VEPH1: variants seen among roughly 807,000 people sequenced by gnomAD.
VEPH1 encodes ventricular zone expressed PH domain containing 1.
A neutral mutation model predicts 85.2 loss-of-function variants in VEPH1; 80 were observed. That is an observed-to-expected ratio of 0.94 (90% CI 0.78 to 1.13). The LOEUF is 1.13. VEPH1 is among the 50% of genes most tolerant of loss of function. The pLI is 0.00. For synonymous variants in VEPH1, 297 were observed against 348.0 expected (o/e 0.85, Z 1.63); for missense variants, 955 against 980.5 (o/e 0.97, Z 0.35).
At chr3:157,307,414 T>TG (rs1486844369) in intron 11 of VEPH1, among the ~76,000 whole-genome samples, 3 of 151,962 alleles carry the variant, frequency 2.0e-5, no homozygotes, top group African/African-American at 7.2e-5. Context: ...TTAATTTATG[T>TG]GGAGTTAATT....
chr3:157,340,773 C>G (rs191167728), intron 9 of VEPH1, among the ~76,000 whole-genome samples: 310 of 152,318 alleles, frequency 2.0e-3, no homozygotes, highest in African/African-American at 6.8e-3. Flanking sequence ...AAGGCACCCC[C>G]CAGTAGGGGC....
intron 4 of VEPH1, among the ~76,000 whole-genome samples, chr3:157,452,873 G>C (rs1356386671): frequency 6.6e-6 from 1 of 152,072 alleles, no homozygotes; most frequent in Non-Finnish European, 1.5e-5. Flanking sequence ...TTCACCTATT[G>C]TTGGCAACAG....
intron 12 of VEPH1, among the ~76,000 whole-genome samples, chr3:157,282,965 G>A (rs1000991280): frequency 1.3e-5 from 2 of 152,172 alleles, no homozygotes; most frequent in African/African-American, 2.4e-5. Flanking sequence ...TTTATAAAAT[G>A]ATTATCAGAA....
At chr3:157,436,318 C>G (rs1442920762) in intron 4 of VEPH1, among the ~76,000 whole-genome samples, 3 of 152,052 alleles carry the variant, frequency 2.0e-5, no homozygotes, top group Non-Finnish European at 4.4e-5. Context: ...TGCAACTCCT[C>G]AAGTATTAAA....
intron 2 of VEPH1, among the ~76,000 whole-genome samples, chr3:157,494,056 G>T (rs7619414): frequency 9.2e-5 from 14 of 152,272 alleles, no homozygotes; most frequent in Non-Finnish European, 1.5e-4. Flanking sequence ...TTCTGGAAAA[G>T]ATGTGGATGA....
At chr3:157,282,867 A>G (rs1162672865) in intron 12 of VEPH1, among the ~76,000 whole-genome samples, 2 of 152,246 alleles carry the variant, frequency 1.3e-5, no homozygotes, top group Admixed American at 1.3e-4. Flanking sequence ...TTCATGTGGA[A>G]TAACAAGATC....
chr3:157,396,730 T>G (rs1002034915), intron 6 of VEPH1, among the ~76,000 whole-genome samples: 1 of 152,244 alleles, frequency 6.6e-6, no homozygotes, highest in Non-Finnish European at 1.5e-5. Flanking sequence ...GTTGATCACA[T>G]GTATGTCTTC....
At chr3:157,328,256 T>G (rs963521532) in intron 9 of VEPH1, among the ~76,000 whole-genome samples, 6 of 152,178 alleles carry the variant, frequency 3.9e-5, no homozygotes, top group African/African-American at 1.4e-4. Flanking sequence ...GACAGACATG[T>G]GCTTGGCACA....
chr3:157,321,939 T>A (rs558515824), intron 9 of VEPH1, among the ~76,000 whole-genome samples: 1 of 152,318 alleles, frequency 6.6e-6, no homozygotes, highest in South Asian at 2.1e-4. Flanking sequence ...TTACGTTTTA[T>A]ATAATTTACC....
At chr3:157,294,191 C>T (rs1052105573) in intron 11 of VEPH1, among the ~76,000 whole-genome samples, 4 of 152,118 alleles carry the variant, frequency 2.6e-5, no homozygotes, top group African/African-American at 9.7e-5. Flanking sequence ...ATGCTCCTAA[C>T]CATGTAGGTT....
chr3:157,271,040 A>G (rs893662413), intron 12 of VEPH1, among the ~76,000 whole-genome samples: 1 of 152,158 alleles, frequency 6.6e-6, no homozygotes, highest in African/African-American at 2.4e-5. Context: ...GGGAAAACAC[A>G]CAAAAGAACC....
chr3:157,407,299 A>G (rs1004456569), intron 6 of VEPH1, among the ~76,000 whole-genome samples: 2 of 152,168 alleles, frequency 1.3e-5, no homozygotes, highest in African/African-American at 4.8e-5. Flanking sequence ...AGCTGTTTAT[A>G]TAGCTGGGGA....
At chr3:157,265,781 A>T in intron 12 of VEPH1, 119 bp from the exon 13 acceptor site, 1 of 1,033,294 alleles carries the variant, frequency 9.7e-7, no homozygotes, top group Non-Finnish European at 1.4e-6. Flanking sequence ...AAAGTAGGCT[A>T]ATAAATGATG....
chr3:157,494,017 T>G (rs1272910445), intron 2 of VEPH1, among the ~76,000 whole-genome samples: 1 of 152,204 alleles, frequency 6.6e-6, no homozygotes. Flanking sequence ...GAACATGTTG[T>G]GCTTTGCGTC....
chr3:157,437,601 G>T, intron 4 of VEPH1: 4 of 1,575,094 alleles, frequency 2.5e-6, no homozygotes, highest in Non-Finnish European at 3.4e-6. Flanking sequence ...AGCGCATGCT[G>T]CTGCAAGCCA....
intron 7 of VEPH1, among the ~76,000 whole-genome samples, chr3:157,367,999 ATTC>A (rs1726923422): frequency 6.6e-6 from 1 of 152,200 alleles, no homozygotes; most frequent in Non-Finnish European, 1.5e-5. Context: ...TCAGTTTTTT[ATTC>A]TTAAAAAAGT....
chr3:157,488,762 T>G (rs1738913026), intron 2 of VEPH1, among the ~76,000 whole-genome samples: 1 of 151,980 alleles, frequency 6.6e-6, no homozygotes, highest in African/African-American at 2.4e-5. Context: ...AGCTCAGACT[T>G]TACACATGTA....
intron 5 of VEPH1, among the ~76,000 whole-genome samples, chr3:157,420,900 A>C (rs2109073739): frequency 6.6e-6 from 1 of 152,252 alleles, no homozygotes; most frequent in South Asian, 2.1e-4. Flanking sequence ...GTGTTACTAA[A>C]CTCTGTTCCT....
In VEPH1 at chr3:157,313,717, A is replaced by G. The variant is rs746127965; in HGVS notation, c.1914T>C (p.Ser638=). 2.9e-5 allele frequency: 47 copies of G among 1,614,078 alleles called. No individual in the cohort carries two copies. The highest frequency in any genetic ancestry group is 3.7e-5 in the Non-Finnish European group (44 of 1,180,044). The part of the protein sequence containing the change: ...FPEPLSIQSH[S]VQFLRALWEK... ...CCCACAGAGCTCTGAGGAATTGCAC[A>G]GAATGACTCTGAATGGACAGGGGTT... Residue 638 remains serine (S), a synonymous_variant, in exon 11 of 14, where the codon TCT becomes TCC. Transcript: ENST00000362010.
Sources: gnomAD v4.1 joint callset for allele counts (sites outside exome capture counted in the v4.1 genomes callset) on GRCh38, gnomAD v4.1.1 for gene constraint, MANE v1.5 for transcripts, NCBI Gene and HGNC (gene_info 2026-07-23, HGNC 2026-07-21) for gene names.